PPP2R2C: variants seen among roughly 807,000 people sequenced by gnomAD.
PPP2R2C encodes protein phosphatase 2, regulatory subunit B, gamma.
PPP2R2C carries 10 observed loss-of-function variants against 45.3 expected under a neutral mutation model. The observed-to-expected ratio is 0.22, with a 90% CI of 0.14 to 0.37. The LOEUF (loss-of-function observed/expected upper bound fraction) is 0.37, where lower values mean the gene tolerates loss of function less well. PPP2R2C is among the 10% of genes least tolerant of loss of function. The probability of loss-of-function intolerance (pLI) is 1.00; values close to 1 mark genes in which losing one functional copy is unlikely to be tolerated. For synonymous variants in PPP2R2C, 257 were observed against 245.4 expected, an observed-to-expected ratio of 1.05 and a Z score of -0.44; for missense variants, 308 against 619.7, an observed-to-expected ratio of 0.50 and a Z score of 5.34.
intron 1 of PPP2R2C, among the ~76,000 whole-genome samples, chr4:6,561,342 G>A (rs976689491): frequency 5.9e-5 from 9 of 152,140 alleles, no homozygotes; most frequent in Non-Finnish European, 7.3e-5. Flanking sequence ...CATGACAGGC[G>A]GAGAGAGAGT....
intron 1 of PPP2R2C, among the ~76,000 whole-genome samples, chr4:6,425,635 G>A (rs1339972105): frequency 6.6e-6 from 1 of 152,162 alleles, no homozygotes; most frequent in African/African-American, 2.4e-5. Context: ...GGCTGCCTGG[G>A]CAGTTGCAAT....
At position 6,461,535 on chromosome 4, in the gene PPP2R2C, C is replaced by T. The variant is rs563301145; in HGVS notation, c.70+10625G>A. On this transcript the variant is annotated intron_variant, in intron 1 of 8. Transcript: ENST00000382599. ...AGGAGGGAGTGCACCTTCCCCATAC[C>T]CTCTTCCCCGGAGAATGGAGAGGAC... is the stretch of plus-strand genomic sequence containing the variant. Among the ~76,000 whole-genome samples, 15 of 152,266 alleles carry T rather than the reference C, an allele frequency of 9.9e-5. No individual in the cohort carries two copies. The East Asian group carries it at 2.7e-3, about 27-fold the overall frequency.
intron 8 of PPP2R2C, among the ~76,000 whole-genome samples, chr4:6,325,625 T>C (rs1034912263): frequency 6.6e-6 from 1 of 151,986 alleles, no homozygotes; most frequent in African/African-American, 2.4e-5. Flanking sequence ...TTCCTGATCC[T>C]CCCCCTGTTC....
At chr4:6,338,437 G>A (rs1733169107) in intron 6 of PPP2R2C, among the ~76,000 whole-genome samples, 2 of 152,308 alleles carry the variant, frequency 1.3e-5, no homozygotes, top group African/African-American at 4.8e-5. Context: ...AGGGGACCTG[G>A]GGAGCCCAAC....
intron 1 of PPP2R2C, among the ~76,000 whole-genome samples, chr4:6,557,869 C>T (rs530924673): frequency 3.9e-5 from 6 of 152,234 alleles, no homozygotes; most frequent in East Asian, 1.9e-4. Flanking sequence ...GCACAACGGA[C>T]GCTGGCCTGG....
At chr4:6,541,585 C>T (rs1225927334) in intron 1 of PPP2R2C, among the ~76,000 whole-genome samples, 1 of 152,116 alleles carries the variant, frequency 6.6e-6, no homozygotes, top group East Asian at 1.9e-4. Flanking sequence ...CCCACTCTGT[C>T]ACCCAGGCTG....
At chr4:6,554,332 C>T (rs1050996314) in intron 1 of PPP2R2C, among the ~76,000 whole-genome samples, 1 of 152,146 alleles carries the variant, frequency 6.6e-6, no homozygotes, top group African/African-American at 2.4e-5. Context: ...CAAAGATGGA[C>T]AGCAAATCAC....
intron 1 of PPP2R2C, among the ~76,000 whole-genome samples, chr4:6,423,704 A>G (rs33999687): frequency 1.1e-3 from 173 of 152,316 alleles, no homozygotes; most frequent in Non-Finnish European, 1.9e-3. Flanking sequence ...GCTGAGGAGG[A>G]TCTCAGGGTG....
chr4:6,457,888 A>G (rs79871860), intron 1 of PPP2R2C, among the ~76,000 whole-genome samples: 11,229 of 152,220 alleles, frequency 0.074, 772 homozygotes, highest in East Asian at 0.38. Flanking sequence ...ACCAGCTTCC[A>G]AGATTTTATC....
In PPP2R2C at chr4:6,471,361, G is replaced by A. The variant is rs1013703651; in HGVS notation, c.70+799C>T. On this transcript the variant is annotated intron_variant, in intron 1 of 8. Transcript: ENST00000382599. The surrounding 1 kb of genome is among the most constrained non-coding windows in gnomAD (Gnocchi z 5.6). ...CTGTCCCCACTGTTCCCCTAGCGAGGCAGACCAGGGGGCCCCCGGAAGTTC... is the reference window on the plus strand; with the variant it reads ...CTGTCCCCACTGTTCCCCTAGCGAGACAGACCAGGGGGCCCCCGGAAGTTC... Among the ~76,000 whole-genome samples, 4 of 152,078 alleles carry A rather than the reference G, an allele frequency of 2.6e-5. No individual in the cohort carries two copies. The highest frequency in any genetic ancestry group is 4.4e-5 in the Non-Finnish European group (3 of 67,976).
chr4:6,525,635 G>A (rs7688267), intron 2 of PPP2R2C, among the ~76,000 whole-genome samples: 75,077 of 151,932 alleles, frequency 0.49, 19,437 homozygotes, highest in Non-Finnish European at 0.57. Context: ...CGAAAGCCTT[G>A]CCCTACTGCT....
At chr4:6,493,822 C>T (rs1229310490) in intron 2 of PPP2R2C, among the ~76,000 whole-genome samples, 2 of 152,096 alleles carry the variant, frequency 1.3e-5, no homozygotes, top group Admixed American at 6.5e-5. Flanking sequence ...CTCTTTCTGT[C>T]GACTCTTTAG....
In PPP2R2C at chr4:6,378,665, C is replaced by A; in HGVS notation, c.169-93G>T. The A allele has an allele frequency of 2.2e-6, 3 of 1,358,202 alleles. No homozygotes were observed. The highest frequency in any genetic ancestry group is 2.1e-5 in the Admixed American group (1 of 46,862). 84.1% of individuals were successfully genotyped at this position (1,358,202 alleles called of 1,614,324 possible). A position where few individuals can be genotyped will look rare whatever the true frequency, so the allele number is the denominator to read the frequency against. ...GACCCAGCAGGGCCGGCCGTGGGAC[C>A]AAGTGCCGAGCCGTGCCAGGGATCC... On this transcript the variant is annotated intron_variant, in intron 2 of 8. Transcript: ENST00000382599. This position sits in a 1 kb window ranked among gnomAD's most constrained non-coding sequence, Gnocchi z 5.2.
At chr4:6,514,361 T>C (rs933829335) in intron 2 of PPP2R2C, among the ~76,000 whole-genome samples, 4 of 152,218 alleles carry the variant, frequency 2.6e-5, no homozygotes, top group Admixed American at 2.0e-4. Context: ...TGTACATCTA[T>C]CCCCCTTTAA....
intron 1 of PPP2R2C, among the ~76,000 whole-genome samples, chr4:6,561,486 G>A (rs896931809): frequency 2.6e-5 from 4 of 152,110 alleles, no homozygotes; most frequent in Admixed American, 1.3e-4. Flanking sequence ...GGGAGGGGGA[G>A]GGGAGGACTT....
At chr4:6,504,437 G>A (rs1723155825) in intron 2 of PPP2R2C, among the ~76,000 whole-genome samples, 1 of 151,070 alleles carries the variant, frequency 6.6e-6, no homozygotes, top group Non-Finnish European at 1.5e-5. Flanking sequence ...ATTGATGTAA[G>A]AATAAATAAA....
At chr4:6,355,523 A>C (rs1195919583) in intron 5 of PPP2R2C, among the ~76,000 whole-genome samples, 1 of 151,726 alleles carries the variant, frequency 6.6e-6, no homozygotes, top group Non-Finnish European at 1.5e-5. Flanking sequence ...TATAATAAAA[A>C]AAAGAAAAAA....
In PPP2R2C at chr4:6,412,397, G is replaced by C. The variant is rs78102112; in HGVS notation, c.71-31303C>G. Among the ~76,000 whole-genome samples, 710 of 152,256 alleles carry C rather than the reference G, an allele frequency of 4.7e-3. 4 individuals carry two copies. The highest frequency in any genetic ancestry group is 0.015 in the African/African-American group (631 of 41,544). ...CTCATTTCACCAGTGAGAAAAATGA[G>C]ACCCTGGAAGGGAAAGCTGCCTGCC... On this transcript the variant is annotated intron_variant, in intron 1 of 8. Transcript: ENST00000382599.
intron 2 of PPP2R2C, among the ~76,000 whole-genome samples, chr4:6,485,014 A>G (rs967039764): frequency 2.0e-5 from 3 of 151,780 alleles, no homozygotes; most frequent in African/African-American, 7.2e-5. Flanking sequence ...GAAAGCATTC[A>G]ATCTTTCATT....
Sources: allele counts gnomAD v4.1 joint callset (sites outside exome capture counted in the v4.1 genomes callset), GRCh38; gene constraint gnomAD v4.1.1; non-coding constraint Gnocchi (gnomAD v3.1); transcripts MANE v1.5; gene names NCBI Gene and HGNC (gene_info 2026-07-23, HGNC 2026-07-21).